CCSER1: variants seen among roughly 807,000 people sequenced by gnomAD.
CCSER1 encodes coiled-coil serine rich protein 1.
CCSER1 carries 41 observed loss-of-function variants against 82.0 expected under a neutral mutation model. The ratio of observed to expected loss-of-function variants is 0.50; its 90% CI spans 0.39 to 0.65. The LOEUF (loss-of-function observed/expected upper bound fraction) is 0.65, where lower values mean the gene tolerates loss of function less well. CCSER1 is among the 30% of genes least tolerant of loss of function. The pLI, the probability that CCSER1 is intolerant of heterozygous loss-of-function variation, is 0.00. For synonymous variants in CCSER1, 414 were observed against 383.9 expected (o/e 1.08, Z -0.92); for missense variants, 1,119 against 1,064.2 (o/e 1.05, Z -0.72).
chr4:91,447,720 C>T (rs1026087197), intron 10 of CCSER1, among the ~76,000 whole-genome samples: 8 of 151,930 alleles, frequency 5.3e-5, no homozygotes, highest in Non-Finnish European at 1.0e-4. Flanking sequence ...AGTTGACAGC[C>T]CCATTTTTGT....
At chr4:91,543,982 T>G (rs1761746954) in intron 10 of CCSER1, among the ~76,000 whole-genome samples, 1 of 152,200 alleles carries the variant, frequency 6.6e-6, no homozygotes, top group Admixed American at 6.5e-5. Flanking sequence ...CCATATTTCT[T>G]GGAGGCTTTG....
chr4:90,173,055 C>A (rs937020431), intron 1 of CCSER1, among the ~76,000 whole-genome samples: 2 of 151,700 alleles, frequency 1.3e-5, no homozygotes, highest in African/African-American at 4.8e-5. Flanking sequence ...TTTTTTCATG[C>A]TGAACTTGAG....
intron 10 of CCSER1, among the ~76,000 whole-genome samples, chr4:91,361,248 G>A (rs1418295976): frequency 6.6e-6 from 1 of 151,744 alleles, no homozygotes; most frequent in African/African-American, 2.4e-5. Flanking sequence ...AAGGTTTAAG[G>A]AATTTTGGTT....
intron 8 of CCSER1, among the ~76,000 whole-genome samples, chr4:90,895,712 TAGAG>T (rs1723609648): frequency 6.6e-6 from 1 of 151,836 alleles, no homozygotes; most frequent in African/African-American, 2.4e-5. Context: ...AAACCTATGT[TAGAG>T]AGCTTATCAG....
At position 91,555,714 on chromosome 4, in the gene CCSER1, T is replaced by G. The variant is rs966453067; in HGVS notation, c.2218-42858T>G. 4.0e-5 allele frequency among the ~76,000 whole-genome samples: 6 copies of G among 151,224 alleles called. No individual in the cohort carries two copies. In the Admixed American group the frequency reaches 4.0e-4, roughly 10 times the overall value. Reference sequence around the variant, plus strand: ...AAAATTTTTATTCATAATGTACCTGTGTTATCAATCTACCTCAATTTCATC... The same window carrying G: ...AAAATTTTTATTCATAATGTACCTGGGTTATCAATCTACCTCAATTTCATC... On this transcript the variant is annotated intron_variant, in intron 10 of 10. Coordinates refer to ENST00000509176, the MANE Select transcript of CCSER1 (RefSeq NM_001145065.2).
chr4:90,701,755 C>T (rs900468525), intron 6 of CCSER1, among the ~76,000 whole-genome samples: 1 of 152,136 alleles, frequency 6.6e-6, no homozygotes, highest in African/African-American at 2.4e-5. Context: ...GGAGTTCACT[C>T]ATGATTTGGC....
chr4:90,953,668 A>G (rs1451294812), intron 9 of CCSER1, among the ~76,000 whole-genome samples: 2 of 151,806 alleles, frequency 1.3e-5, no homozygotes, highest in East Asian at 3.8e-4. Flanking sequence ...CTTTGGATAT[A>G]TGTGTATATT....
chr4:90,532,199 G>A (rs1190942135), intron 5 of CCSER1, among the ~76,000 whole-genome samples: 1 of 152,054 alleles, frequency 6.6e-6, no homozygotes, highest in African/African-American at 2.4e-5. Context: ...ATACTCTAAA[G>A]CTAAACTCCT....
At chr4:90,131,281 G>A (rs1447819816) in intron 1 of CCSER1, among the ~76,000 whole-genome samples, 1 of 152,240 alleles carries the variant, frequency 6.6e-6, no homozygotes. Context: ...GGTAACAGGC[G>A]TGAGCTACCA....
At chr4:90,895,138 T>C (rs538664669) in intron 8 of CCSER1, among the ~76,000 whole-genome samples, 1 of 152,072 alleles carries the variant, frequency 6.6e-6, no homozygotes, top group South Asian at 2.1e-4. Flanking sequence ...ATAAATTTAT[T>C]ATATAAGATT....
In CCSER1 at chr4:90,723,974, G is replaced by C. The variant is rs551302282; in HGVS notation, c.1993G>C (p.Glu665Gln). Residue 665 changes from glutamate to glutamine, a missense_variant, in exon 7 of 11, where the codon GAG (glutamate) becomes CAG (glutamine). Glu to Gln is a conservative substitution (Grantham distance 29). Coordinates refer to ENST00000509176, the MANE Select transcript of CCSER1 (RefSeq NM_001145065.2). ...ACTTCCTGTTAGTCCTCTTACTGAA[G>C]AGCCAGTGCCTTTCAAGGTAAAAAA... ...TSLPVSPLTE[E>Q]PVPFKDIMKD... 3 of 1,573,678 alleles carry C rather than the reference G, an allele frequency of 1.9e-6. No individual in the cohort carries two copies. The African/African-American group carries it at 4.0e-5, about 21-fold the overall frequency.
chr4:90,210,795 C>G (rs1560804438), intron 1 of CCSER1, among the ~76,000 whole-genome samples: 1 of 152,140 alleles, frequency 6.6e-6, no homozygotes, highest in Non-Finnish European at 1.5e-5. Flanking sequence ...TGGCAAAACT[C>G]TAAATGATTG....
Position 90,806,308 on chromosome 4 carries a change from G to A in CCSER1, c.2011-9454G>A, listed in dbSNP as rs907604694. 1.2e-4 allele frequency among the ~76,000 whole-genome samples: 19 copies of A among 152,246 alleles called. 1 individual carries two copies. The highest frequency in any genetic ancestry group is 1.0e-3 in the Admixed American group (16 of 15,280). On this transcript the variant is annotated intron_variant, in intron 7 of 10. Coordinates refer to ENST00000509176, the MANE Select transcript of CCSER1 (RefSeq NM_001145065.2). ...ATTAGCATCTATCCAGTTTAATGTG[G>A]TGAGATTGTGAACTCCTTCAGAAAT...
chr4:91,380,156 T>C (rs1750767648), intron 10 of CCSER1, among the ~76,000 whole-genome samples: 1 of 152,164 alleles, frequency 6.6e-6, no homozygotes, highest in African/African-American at 2.4e-5. Flanking sequence ...TGAGGAGTGC[T>C]TTACTTCCAA....
chr4:91,162,327 G>T (rs1731506000), intron 10 of CCSER1, among the ~76,000 whole-genome samples: 1 of 152,150 alleles, frequency 6.6e-6, no homozygotes, highest in African/African-American at 2.4e-5. Flanking sequence ...GCCTGATTCG[G>T]TTTCCAGTAT....
intron 7 of CCSER1, among the ~76,000 whole-genome samples, chr4:90,742,175 C>T (rs1277289792): frequency 6.6e-6 from 1 of 152,100 alleles, no homozygotes; most frequent in Non-Finnish European, 1.5e-5. Context: ...ACGAGAACAG[C>T]AGATGGAAGT....
chr4:91,433,226 T>C (rs997159816), intron 10 of CCSER1, among the ~76,000 whole-genome samples: 2 of 152,202 alleles, frequency 1.3e-5, no homozygotes, highest in Admixed American at 1.3e-4. Flanking sequence ...AACATTTCAG[T>C]CAATGACAAA....
intron 1 of CCSER1, among the ~76,000 whole-genome samples, chr4:90,229,782 G>A (rs1030645092): frequency 2.6e-5 from 4 of 152,034 alleles, no homozygotes; most frequent in Non-Finnish European, 5.9e-5. Context: ...GAAGATCTAC[G>A]AAGCAAATGG....
chr4:91,552,823 A>G (rs1458673547), intron 10 of CCSER1, among the ~76,000 whole-genome samples: 1 of 151,626 alleles, frequency 6.6e-6, no homozygotes, highest in Non-Finnish European at 1.5e-5. Context: ...TCATCTAAAA[A>G]AAGATAATTT....
Sources: allele counts gnomAD v4.1 joint callset (sites outside exome capture counted in the v4.1 genomes callset), GRCh38; gene constraint gnomAD v4.1.1; transcripts MANE v1.5; gene names NCBI Gene and HGNC (gene_info 2026-07-23, HGNC 2026-07-21).